The following KANSL3 variants were observed in gnomAD, a reference collection of about 807,000 sequenced individuals.
The protein encoded by KANSL3 is NSL complex protein NSL3.
A neutral mutation model predicts 89.2 loss-of-function variants in KANSL3; 16 were observed. The observed-to-expected ratio is 0.18, with a 90% CI of 0.12 to 0.27. KANSL3 has a LOEUF of 0.27. KANSL3 is among the 10% of genes least tolerant of loss of function. The pLI, the probability that KANSL3 is intolerant of heterozygous loss-of-function variation, is 1.00. For synonymous variants in KANSL3, 385 were observed against 419.7 expected (o/e 0.92, Z 1.01); for missense variants, 879 against 1,110.6 (o/e 0.79, Z 2.96).
Position 96,608,989 on chromosome 2 carries a change from C to A in KANSL3, c.1459G>T (p.Asp487Tyr). The change falls in exon 13 of 21, where the codon GAT becomes TAT. Residue 487 changes from aspartate to tyrosine, a missense_variant. Physicochemically the swap from Asp to Tyr is radical, Grantham distance 160. Transcript: ENST00000431828. ...GHMGSEPRDQDAEKKKKPRDV... is the reference protein window; with the variant it reads ...GHMGSEPRDQYAEKKKKPRDV... ...CGGGGCTTCTTCTTCTTCTCAGCAT[C>A]CTGATCCCGAGGTTCAGAGCCCATG... The A allele has an allele frequency of 3.8e-6, 6 of 1,563,680 alleles. 1 individual carries two copies. In the South Asian group the frequency reaches 7.1e-5, roughly 18 times the overall value.
chr2:96,592,987 T>C (rs1387476113), downstream of KANSL3, among the ~76,000 whole-genome samples: 1 of 150,458 alleles, frequency 6.6e-6, no homozygotes, highest in Non-Finnish European at 1.5e-5. Flanking sequence ...CAAATAACAA[T>C]GCGAGACTCC....
At chr2:96,631,570 T>C (rs2073394667) in intron 2 of KANSL3, 88 bp from the exon 3 acceptor site, 1 of 1,465,668 alleles carries the variant, frequency 6.8e-7, no homozygotes, top group African/African-American at 1.4e-5. Context: ...GTATCTTTAA[T>C]ACAGTCAGCT....
At chr2:96,628,755 C>T (rs897843568) in intron 3 of KANSL3, 5 of 119,764 alleles carry the variant, frequency 4.2e-5, no homozygotes, top group Admixed American at 9.5e-5. Context: ...TTAATCATAA[C>T]CATGGATAAA....
chr2:96,610,735 T>C lies in KANSL3; in HGVS notation c.1310A>G (p.Asp437Gly). The change falls in exon 11 of 21, where the codon GAC (aspartate) becomes GGC (glycine). Residue 437 changes from aspartate to glycine, a missense_variant. Around this residue, in one of 6 missense-constraint regions of KANSL3, gnomAD observed 198 missense variants for 260.3 expected, o/e 0.76. Coordinates refer to ENST00000431828, the MANE Select transcript of KANSL3 (RefSeq NM_001115016.3). ...GGGAGAATCCACCCACCTGAGATTG[T>C]CATCAGCTCCCCCAACCACCACCAA... ...NSLVVVGGADDNLRISKAKKK... is the reference protein window; with the variant it reads ...NSLVVVGGADGNLRISKAKKK... 1 of 1,613,904 alleles carries C rather than the reference T, an allele frequency of 6.2e-7. No individual in the cohort carries two copies. The highest frequency in any genetic ancestry group is 8.5e-7 in the Non-Finnish European group (1 of 1,179,876).
At chr2:96,605,719 T>C in intron 14 of KANSL3, 1 of 401,624 alleles carries the variant, frequency 2.5e-6, no homozygotes. Context: ...ACTTTGCCCT[T>C]CTTAGAGGAT....
intron 19 of KANSL3, 89 bp from the exon 20 acceptor site, chr2:96,601,865 A>G (rs184093839): frequency 4.8e-6 from 7 of 1,461,984 alleles, no homozygotes; most frequent in African/African-American, 4.3e-5. Flanking sequence ...TCTCCCCCAC[A>G]TAACACAGTC....
intron 9 of KANSL3, among the ~76,000 whole-genome samples, chr2:96,611,549 G>C (rs961170699): frequency 6.6e-6 from 1 of 152,186 alleles, no homozygotes; most frequent in African/African-American, 2.4e-5. Flanking sequence ...ATAGCTACCA[G>C]ACAGCCTAGA....
chr2:96,621,386 C>T (rs1573534771), intron 3 of KANSL3, among the ~76,000 whole-genome samples: 1 of 151,722 alleles, frequency 6.6e-6, no homozygotes, highest in South Asian at 2.1e-4. Context: ...TGGTGGCATG[C>T]GCCTGTAGTC....
At chr2:96,620,678 A>G (rs1262201302) in intron 3 of KANSL3, among the ~76,000 whole-genome samples, 1 of 151,994 alleles carries the variant, frequency 6.6e-6, no homozygotes, top group East Asian at 1.9e-4. Flanking sequence ...CTCTATTAAT[A>G]TGTGTTTTCC....
intron 20 of KANSL3, chr2:96,598,253 G>C (rs1449717359): frequency 1.8e-5 from 7 of 380,154 alleles, no homozygotes; most frequent in Non-Finnish European, 2.5e-5. Flanking sequence ...TAGAGTATGA[G>C]AGGGGAAAAG....
At chr2:96,596,203 C>T (rs1250731937) in intron 20 of KANSL3, among the ~76,000 whole-genome samples, 1 of 152,198 alleles carries the variant, frequency 6.6e-6, no homozygotes, top group Admixed American at 6.5e-5. Flanking sequence ...TTTACCAACG[C>T]TTTCCCCACT....
rs1253277694 is a variant in KANSL3, at chr2:96,595,106, TCCAAAACAAGCCCGTCCGGCTCTGAA to T, written c.*479_*504del. On this transcript the variant is annotated 3_prime_UTR_variant, in exon 21 of 21. Coordinates refer to ENST00000431828, the MANE Select transcript of KANSL3 (RefSeq NM_001115016.3). ...CTGCTGAGTGAAGGCAACAGTGATGTCCAAAACAAGCCCGTCCGGCTCTGAACCACCAGTTGGCAGGCCAGGATGAC... is the reference window on the plus strand; with the variant it reads ...CTGCTGAGTGAAGGCAACAGTGATGTCCACCAGTTGGCAGGCCAGGATGAC... 6.5e-6 allele frequency: 1 copy of T among 153,246 alleles called. No homozygotes were observed. Among genetic ancestry groups the T allele is most frequent in the Admixed American group, 6.5e-5 (1 of 15,496 alleles). 9.5% of individuals were successfully genotyped at this position (153,246 alleles called of 1,614,324 possible).
At chr2:96,610,671 C>A in intron 11 of KANSL3, 55 bp downstream of exon 11, 1 of 1,590,880 alleles carries the variant, frequency 6.3e-7, no homozygotes, top group Non-Finnish European at 8.6e-7. Flanking sequence ...AGCTTCCAGG[C>A]TTATCTCTAA....
chr2:96,608,088 C>A (rs546940075), intron 14 of KANSL3, among the ~76,000 whole-genome samples: 64 of 152,336 alleles, frequency 4.2e-4, no homozygotes, highest in Non-Finnish European at 8.1e-4. Flanking sequence ...CACTGAAAGT[C>A]TCAGTGTGAG....
At chr2:96,582,880 TTC>T in the KANSL3 span, among the ~76,000 whole-genome samples, 3 of 152,252 alleles carry the variant, frequency 2.0e-5, no homozygotes, top group Non-Finnish European at 4.4e-5. Context: ...TTCAGTTCAA[TTC>T]TTTTAGCCTT....
Position 96,612,455 on chromosome 2 carries a change from T to C in KANSL3, c.1014+7A>G. The C allele has an allele frequency of 1.2e-6, 2 of 1,612,528 alleles. No individual in the cohort carries two copies. The highest frequency in any genetic ancestry group is 1.7e-6 in the Non-Finnish European group (2 of 1,178,600). On this transcript the variant is annotated splice_region_variant and intron_variant, in intron 8 of 20. Coordinates refer to ENST00000431828, the MANE Select transcript of KANSL3 (RefSeq NM_001115016.3). ...GCCACAATGTACTGAAATACGGGCATTCTCACCTCCAGCACTTTGCTTCTC... is the reference window on the plus strand; with the variant it reads ...GCCACAATGTACTGAAATACGGGCACTCTCACCTCCAGCACTTTGCTTCTC...
At chr2:96,599,918 G>A (rs1193622863) in intron 20 of KANSL3, 1 of 152,346 alleles carries the variant, frequency 6.6e-6, no homozygotes, top group Admixed American at 6.5e-5. Context: ...AGGGCAGTTA[G>A]TGAGCAGCTG....
At position 96,599,114 on chromosome 2, in the gene KANSL3, A is replaced by G. The variant is rs1370860717; in HGVS notation, c.2616+2529T>C. On this transcript the variant is annotated intron_variant, in intron 20 of 20. Coordinates refer to ENST00000431828, the MANE Select transcript of KANSL3 (RefSeq NM_001115016.3). ...ATAACAGAAGGCCAGCGTAGGATAG[A>G]CAAATTCAAAACTACAGAACAGGCC... Among the ~76,000 whole-genome samples, 5 of 152,302 alleles carry G rather than the reference A, an allele frequency of 3.3e-5. No individual in the cohort carries two copies. In the East Asian group the frequency reaches 9.6e-4, roughly 29 times the overall value.
the KANSL3 span, among the ~76,000 whole-genome samples, chr2:96,582,563 A>G: frequency 6.6e-6 from 1 of 152,128 alleles, no homozygotes; most frequent in African/African-American, 2.4e-5. Context: ...CACTTTCTTC[A>G]TTATGAGCAC....
Sources: allele counts gnomAD v4.1 joint callset (sites outside exome capture counted in the v4.1 genomes callset), GRCh38; gene constraint gnomAD v4.1.1; regional missense constraint gnomAD v4.1.1; transcripts MANE v1.5; gene names NCBI Gene and HGNC (gene_info 2026-07-23, HGNC 2026-07-21).